Variants in ENOX1 observed in about 807,000 individuals in gnomAD.
The protein encoded by ENOX1 is ecto-NOX disulfide-thiol exchanger 1.
In ENOX1, 42 loss-of-function variants were observed where a neutral mutation model predicts 82.5. The observed-to-expected ratio is 0.51, with a 90% CI of 0.40 to 0.66. The LOEUF is 0.66. ENOX1 is among the 30% of genes least tolerant of loss of function. The pLI is 0.00. For synonymous variants in ENOX1, 271 were observed against 282.2 expected (o/e 0.96, Z 0.40); for missense variants, 608 against 811.6 (o/e 0.75, Z 3.05).
chr13:43,706,279 A>G (rs1354483835), intron 1 of ENOX1, among the ~76,000 whole-genome samples: 2 of 152,018 alleles, frequency 1.3e-5, no homozygotes. Context: ...GAAAGGAGGA[A>G]GCAATAAAAT....
chr13:43,738,059 G>GT (rs2089719476), intron 1 of ENOX1, among the ~76,000 whole-genome samples: 2 of 152,028 alleles, frequency 1.3e-5, no homozygotes, highest in African/African-American at 4.8e-5. Context: ...AAAATGATAC[G>GT]TAAGTAAAAT....
chr13:43,468,149 T>C (rs1233428199), intron 3 of ENOX1, among the ~76,000 whole-genome samples: 1 of 152,000 alleles, frequency 6.6e-6, no homozygotes, highest in East Asian at 1.9e-4. Context: ...TTTTGGGTCT[T>C]TATATTTCCA....
At chr13:43,348,389 C>G (rs1286227042) in intron 8 of ENOX1, among the ~76,000 whole-genome samples, 1 of 152,222 alleles carries the variant, frequency 6.6e-6, no homozygotes, top group African/African-American at 2.4e-5. Flanking sequence ...TCTGGTTACT[C>G]TGAGTTTTTC....
At chr13:43,449,666 T>A (rs2056851744) in intron 3 of ENOX1, among the ~76,000 whole-genome samples, 1 of 151,844 alleles carries the variant, frequency 6.6e-6, no homozygotes, top group Non-Finnish European at 1.5e-5. Flanking sequence ...AAATAGATAC[T>A]TCTTATTGTT....
chr13:43,691,605 TG>T (rs1316105094), intron 1 of ENOX1, among the ~76,000 whole-genome samples: 2 of 152,024 alleles, frequency 1.3e-5, no homozygotes, highest in African/African-American at 4.8e-5. Context: ...CTGCCTAGTA[TG>T]TACCTCCTCA....
chr13:43,356,010 C>T lies in ENOX1; in HGVS notation c.732G>A (p.Lys244=), dbSNP rs755864728. 1.2e-6 allele frequency: 2 copies of T among 1,614,096 alleles called. No homozygotes were observed. The highest frequency in any genetic ancestry group is 1.7e-6 in the Non-Finnish European group (2 of 1,180,036). The change falls in exon 8 of 17, where the codon AAG becomes AAA. Residue 244 remains lysine, a synonymous_variant. Coordinates refer to ENST00000690772, the MANE Select transcript of ENOX1 (RefSeq NM_001347969.2). ...GGGGCCTGAGCCGGTCCTCCTCCAG[C>T]TTGCGCCGGTGCCGCTCCTCCCGGG... ...MRAREERHRR[K]LEEDRLRPPS...
chr13:43,659,824 G>C (rs976434458), intron 2 of ENOX1, among the ~76,000 whole-genome samples: 6 of 152,190 alleles, frequency 3.9e-5, no homozygotes, highest in African/African-American at 1.4e-4. Context: ...TTAGCTGCCT[G>C]TAGGCTAAGG....
Position 43,470,352 on chromosome 13 carries a change from A to ATGTATATATATG in ENOX1, c.-75+13656_-75+13657insCATATATATACA, listed in dbSNP as rs2057985757. ...TATGTATATATATACGTATATATAT[A>ATGTATATATATG]TGTATATATATACGTATATATATAC... On this transcript the variant is annotated intron_variant, in intron 3 of 16. Transcript: ENST00000690772. Among the ~76,000 whole-genome samples, 2 of 39,698 alleles carry ATGTATATATATG rather than the reference A, an allele frequency of 5.0e-5. 1 individual carries two copies. Among genetic ancestry groups the ATGTATATATATG allele is most frequent in the Non-Finnish European group, 1.3e-4 (2 of 15,648 alleles). 26.0% of individuals were successfully genotyped at this position (39,698 alleles called of 152,430 possible).
chr13:43,406,962 C>T (rs1405761935), intron 5 of ENOX1, among the ~76,000 whole-genome samples: 1 of 152,158 alleles, frequency 6.6e-6, no homozygotes, highest in Non-Finnish European at 1.5e-5. Context: ...TATTATCTCA[C>T]GGCCAGAGAA....
chr13:43,571,887 G>C, intron 2 of ENOX1, among the ~76,000 whole-genome samples: 1 of 152,136 alleles, frequency 6.6e-6, no homozygotes, highest in Non-Finnish European at 1.5e-5. Flanking sequence ...TCAGACAAGC[G>C]GTGGGGCGGT....
intron 3 of ENOX1, among the ~76,000 whole-genome samples, chr13:43,419,177 C>T (rs1368001421): frequency 6.6e-6 from 1 of 152,036 alleles, no homozygotes; most frequent in African/African-American, 2.4e-5. Flanking sequence ...ACACAGATTC[C>T]TGTTAAAGGA....
intron 16 of ENOX1, among the ~76,000 whole-genome samples, chr13:43,221,205 T>C (rs2041768638): frequency 6.6e-6 from 1 of 152,096 alleles, no homozygotes; most frequent in Non-Finnish European, 1.5e-5. Flanking sequence ...TGCAGGTGTG[T>C]AGAGGGGGCA....
At chr13:43,282,863 C>T (rs1000874406) in intron 12 of ENOX1, among the ~76,000 whole-genome samples, 6 of 149,976 alleles carry the variant, frequency 4.0e-5, no homozygotes, top group African/African-American at 1.2e-4. Context: ...GAGGCTGAGG[C>T]GGGTAGATCA....
intron 1 of ENOX1, among the ~76,000 whole-genome samples, chr13:43,707,279 GT>G (rs1403442027): frequency 6.6e-6 from 1 of 152,076 alleles, no homozygotes; most frequent in East Asian, 1.9e-4. Flanking sequence ...ATGAATAGAT[GT>G]TTCATGTTTC....
chr13:43,326,226 G>A (rs1244813600), intron 10 of ENOX1, among the ~76,000 whole-genome samples, 193 bp downstream of exon 10: 1 of 152,204 alleles, frequency 6.6e-6, no homozygotes, highest in Non-Finnish European at 1.5e-5. Context: ...AAAACACTGT[G>A]TTCCCTAAGT....
At chr13:43,773,576 G>GT (rs1951764072) in intron 1 of ENOX1, among the ~76,000 whole-genome samples, 1 of 152,088 alleles carries the variant, frequency 6.6e-6, no homozygotes, top group African/African-American at 2.4e-5. Flanking sequence ...TCACACATCT[G>GT]GACTTCATAC....
At chr13:43,673,625 C>A (rs1372856318) in intron 1 of ENOX1, among the ~76,000 whole-genome samples, 3 of 152,204 alleles carry the variant, frequency 2.0e-5, no homozygotes, top group Non-Finnish European at 4.4e-5. Context: ...CTCTCTGTGC[C>A]CCACAGGGCA....
At chr13:43,300,770 G>T (rs1277123583) in intron 11 of ENOX1, among the ~76,000 whole-genome samples, 5 of 152,188 alleles carry the variant, frequency 3.3e-5, no homozygotes, top group Admixed American at 6.5e-5. Flanking sequence ...GTTTGGCAAT[G>T]GTGCATGGAA....
chr13:43,581,972 A>G (rs192272682), intron 2 of ENOX1, among the ~76,000 whole-genome samples: 11 of 152,364 alleles, frequency 7.2e-5, no homozygotes, highest in Middle Eastern at 3.4e-3. Context: ...TGTATATATC[A>G]TATCTGCACC....
Sources: gnomAD v4.1 joint callset for allele counts (sites outside exome capture counted in the v4.1 genomes callset) on GRCh38, gnomAD v4.1.1 for gene constraint, MANE v1.5 for transcripts, NCBI Gene and HGNC (gene_info 2026-07-23, HGNC 2026-07-21) for gene names.